TENM2: variants seen among roughly 807,000 people sequenced by gnomAD.
TENM2 encodes teneurin transmembrane protein 2.
In TENM2, 52 loss-of-function variants were observed where a neutral mutation model predicts 245.2. The ratio of observed to expected loss-of-function variants is 0.21; its 90% CI spans 0.17 to 0.27. The LOEUF is 0.27. Ranked by LOEUF, TENM2 falls within the 10% of genes least tolerant of loss-of-function variation. The pLI, the probability that TENM2 is intolerant of heterozygous loss-of-function variation, is 1.00. For synonymous variants in TENM2, 1,363 were observed against 1,438.9 expected (o/e 0.95, Z 1.19); for missense variants, 3,046 against 3,666.8 (o/e 0.83, Z 4.37).
chr5:167,150,171 T>G, the TENM2 span, among the ~76,000 whole-genome samples: 3 of 152,310 alleles, frequency 2.0e-5, no homozygotes, highest in South Asian at 6.2e-4. Context: ...CCATCCACTT[T>G]CTTCTGCTTA....
At chr5:167,032,353 C>T in the TENM2 span, among the ~76,000 whole-genome samples, 4 of 152,140 alleles carry the variant, frequency 2.6e-5, no homozygotes, top group East Asian at 5.8e-4. Context: ...TTTGCTGCCT[C>T]TGCTTTTGGG....
At chr5:167,084,355 A>ATATATATATATATGTATATATG in the TENM2 span, among the ~76,000 whole-genome samples, 7 of 109,348 alleles carry the variant, frequency 6.4e-5, no homozygotes, top group African/African-American at 2.4e-4. Flanking sequence ...ATATATATAT[A>ATATATATATATATGTATATATG]TATATATATA....
In TENM2 at chr5:167,311,185, A is replaced by C. The variant is rs540270417; in HGVS notation, c.226+26122A>C. 4.6e-5 allele frequency among the ~76,000 whole-genome samples: 7 copies of C among 152,278 alleles called. No homozygotes were observed. The South Asian group carries it at 1.4e-3, about 32-fold the overall frequency. On this transcript the variant is annotated intron_variant, in intron 1 of 28. Transcript: ENST00000518659. The stretch of plus-strand genomic sequence containing the variant: ...CAGGTGCCAGATGAGGTTTTAGGTA[A>C]TTTGAAGGATTAGTCTTTAAAGAGT...
the TENM2 span, among the ~76,000 whole-genome samples, chr5:167,277,501 T>A: frequency 6.6e-6 from 1 of 152,228 alleles, no homozygotes; most frequent in African/African-American, 2.4e-5. Flanking sequence ...TCTTTAAAAA[T>A]TTTTGAGGTA....
At chr5:167,237,884 G>A in the TENM2 span, among the ~76,000 whole-genome samples, 3 of 151,970 alleles carry the variant, frequency 2.0e-5, no homozygotes, top group African/African-American at 4.8e-5. Flanking sequence ...GGTGGCACAC[G>A]CCTGTAATCC....
At chr5:167,664,449 G>A (rs1159476275) in intron 2 of TENM2, among the ~76,000 whole-genome samples, 1 of 152,154 alleles carries the variant, frequency 6.6e-6, no homozygotes, top group East Asian at 1.9e-4. Context: ...GAGGCTCAGA[G>A]TTCAACTTGC....
intron 2 of TENM2, among the ~76,000 whole-genome samples, chr5:167,423,229 C>G (rs1173737086): frequency 6.6e-6 from 1 of 151,958 alleles, no homozygotes; most frequent in South Asian, 2.1e-4. Context: ...TTTTAGGGGT[C>G]ATTGGTACAT....
chr5:167,929,254 AAAGG>A (rs898349059), intron 3 of TENM2, among the ~76,000 whole-genome samples: 22 of 151,590 alleles, frequency 1.5e-4, no homozygotes, highest in African/African-American at 3.4e-4. Flanking sequence ...AGGCAGGAAG[AAAGG>A]AAGGAAGGAA....
chr5:167,084,001 T>C, the TENM2 span, among the ~76,000 whole-genome samples: 1 of 152,102 alleles, frequency 6.6e-6, no homozygotes, highest in Non-Finnish European at 1.5e-5. Context: ...GCCTCCTTGT[T>C]ATATAAATCA....
chr5:167,849,787 A>T (rs1181411199), intron 2 of TENM2, among the ~76,000 whole-genome samples: 1 of 152,200 alleles, frequency 6.6e-6, no homozygotes, highest in East Asian at 1.9e-4. Context: ...ATTATAAAGA[A>T]TTTTACAAAG....
chr5:167,003,587 A>G, the TENM2 span, among the ~76,000 whole-genome samples: 380 of 152,240 alleles, frequency 2.5e-3, 2 homozygotes, highest in African/African-American at 8.9e-3. Flanking sequence ...AGTTTAATCT[A>G]TGGTGTGTGT....
intron 5 of TENM2, among the ~76,000 whole-genome samples, chr5:168,046,498 G>T (rs1788619044): frequency 6.6e-6 from 1 of 152,164 alleles, no homozygotes; most frequent in Non-Finnish European, 1.5e-5. Flanking sequence ...ATTCCACTCA[G>T]TAGAAAAAAC....
intron 2 of TENM2, among the ~76,000 whole-genome samples, chr5:167,555,993 T>A (rs1773239502): frequency 6.6e-6 from 1 of 152,118 alleles, no homozygotes; most frequent in Admixed American, 6.6e-5. Context: ...GAACCCCTAA[T>A]GGTTAAACTT....
intron 2 of TENM2, among the ~76,000 whole-genome samples, chr5:167,685,225 C>A (rs2150388325): frequency 6.6e-6 from 1 of 152,318 alleles, no homozygotes; most frequent in Admixed American, 6.5e-5. Context: ...AAAATGAAAT[C>A]ATCTGTGAAC....
intron 2 of TENM2, among the ~76,000 whole-genome samples, chr5:167,472,134 T>G (rs2127513231): frequency 6.6e-6 from 1 of 152,272 alleles, no homozygotes; most frequent in African/African-American, 2.4e-5. Context: ...TTCCTGCAAT[T>G]TTTGTTTCCA....
At chr5:167,264,597 T>C in the TENM2 span, among the ~76,000 whole-genome samples, 1 of 152,188 alleles carries the variant, frequency 6.6e-6, no homozygotes, top group Non-Finnish European at 1.5e-5. Context: ...CACTGGGGTA[T>C]TGGATAGTGA....
chr5:168,091,521 T>A (rs1020111954), intron 8 of TENM2, among the ~76,000 whole-genome samples: 6 of 152,222 alleles, frequency 3.9e-5, no homozygotes, highest in African/African-American at 1.4e-4. Context: ...GCAAAGAAGC[T>A]GCAGATATTT....
intron 2 of TENM2, chr5:167,755,166 A>G (rs1299714454): frequency 1.9e-6 from 3 of 1,598,964 alleles, no homozygotes; most frequent in Non-Finnish European, 8.5e-7. Flanking sequence ...AGTTTTCTCC[A>G]TGGGAAGGTT....
chr5:168,090,242 A>T (rs1792815629), intron 7 of TENM2, among the ~76,000 whole-genome samples: 2 of 151,408 alleles, frequency 1.3e-5, no homozygotes, highest in Admixed American at 6.6e-5. Flanking sequence ...ACACACACAC[A>T]CACACACACA....
Sources: allele counts gnomAD v4.1 joint callset (sites outside exome capture counted in the v4.1 genomes callset), GRCh38; gene constraint gnomAD v4.1.1; transcripts MANE v1.5; gene names NCBI Gene and HGNC (gene_info 2026-07-23, HGNC 2026-07-21).